INPP4B: variants seen among roughly 807,000 people sequenced by gnomAD.
The protein encoded by INPP4B is inositol polyphosphate-4-phosphatase type II B.
INPP4B carries 55 observed loss-of-function variants against 122.5 expected under a neutral mutation model. That is an observed-to-expected ratio of 0.45 (90% CI 0.36 to 0.56). The LOEUF (loss-of-function observed/expected upper bound fraction) is 0.56, where lower values mean the gene tolerates loss of function less well. INPP4B is among the 20% of genes least tolerant of loss of function. The probability of loss-of-function intolerance (pLI) is 0.00; values close to 1 mark genes in which losing one functional copy is unlikely to be tolerated. For synonymous variants in INPP4B, 403 were observed against 388.7 expected (o/e 1.04, Z -0.43); for missense variants, 1,000 against 1,097.7 (o/e 0.91, Z 1.26).
intron 2 of INPP4B, among the ~76,000 whole-genome samples, chr4:142,521,591 A>G (rs1412671730): frequency 6.6e-6 from 1 of 152,044 alleles, no homozygotes; most frequent in Non-Finnish European, 1.5e-5. Flanking sequence ...ATGAAACATC[A>G]CTTATACAAT....
At chr4:142,096,314 A>T (rs1466607682) in intron 23 of INPP4B, 2 of 152,232 alleles carry the variant, frequency 1.3e-5, no homozygotes, top group African/African-American at 4.8e-5. Flanking sequence ...CACATACTAC[A>T]ACAGAATAAG....
chr4:142,763,724 G>A (rs934961631), intron 1 of INPP4B, among the ~76,000 whole-genome samples: 2 of 152,096 alleles, frequency 1.3e-5, no homozygotes, highest in African/African-American at 2.4e-5. Flanking sequence ...CAAAGTAAAA[G>A]TGATGCCTGA....
chr4:142,333,876 A>G (rs2151580471), intron 7 of INPP4B, among the ~76,000 whole-genome samples: 1 of 152,312 alleles, frequency 6.6e-6, no homozygotes. Context: ...TGTGTGTGCG[A>G]TGAGAGCATT....
intron 1 of INPP4B, among the ~76,000 whole-genome samples, chr4:142,789,804 C>T (rs1240313123): frequency 2.0e-5 from 3 of 152,144 alleles, no homozygotes; most frequent in East Asian, 3.9e-4. Context: ...AAGAATAAAT[C>T]TAGAAGCATC....
chr4:142,432,256 G>A (rs972056877), intron 3 of INPP4B, among the ~76,000 whole-genome samples: 12 of 152,030 alleles, frequency 7.9e-5, no homozygotes, highest in African/African-American at 2.9e-4. Context: ...GCCGTTTAAT[G>A]AGATAGCAGT....
At chr4:142,666,380 A>G (rs1391548600) in intron 2 of INPP4B, among the ~76,000 whole-genome samples, 1 of 152,146 alleles carries the variant, frequency 6.6e-6, no homozygotes, top group Non-Finnish European at 1.5e-5. Context: ...AAAGATAAAA[A>G]AGAGTTTAGA....
chr4:142,271,326 C>A (rs145365738), intron 9 of INPP4B, among the ~76,000 whole-genome samples: 33 of 152,256 alleles, frequency 2.2e-4, no homozygotes, highest in African/African-American at 7.7e-4. Flanking sequence ...ATGAAACCTC[C>A]TAAACGTTCT....
At chr4:142,108,539 A>T (rs900218296) in intron 22 of INPP4B, among the ~76,000 whole-genome samples, 10 of 152,224 alleles carry the variant, frequency 6.6e-5, no homozygotes, top group African/African-American at 1.9e-4. Context: ...TATGTGTTTT[A>T]AAAAACTTTT....
intron 16 of INPP4B, among the ~76,000 whole-genome samples, chr4:142,170,047 G>GTT (rs1304634039): frequency 6.6e-6 from 1 of 151,120 alleles, no homozygotes. Flanking sequence ...TCTATTCCTT[G>GTT]TTTTTTTTCC....
intron 2 of INPP4B, among the ~76,000 whole-genome samples, chr4:142,671,527 A>C (rs1297052118): frequency 6.6e-6 from 1 of 152,092 alleles, no homozygotes; most frequent in Non-Finnish European, 1.5e-5. Context: ...GGCTCATCTC[A>C]AATGCAATTT....
intron 2 of INPP4B, among the ~76,000 whole-genome samples, chr4:142,569,586 C>T (rs1286369978): frequency 6.6e-6 from 1 of 152,062 alleles, no homozygotes; most frequent in African/African-American, 2.4e-5. Context: ...CCCTTGACAC[C>T]GTGTATGCTG....
At chr4:142,559,827 T>G (rs1225153012) in intron 2 of INPP4B, among the ~76,000 whole-genome samples, 1 of 152,214 alleles carries the variant, frequency 6.6e-6, no homozygotes, top group Non-Finnish European at 1.5e-5. Context: ...CCATTGAATT[T>G]CCCTTTATTC....
chr4:142,309,826 C>T (rs1298333825), intron 8 of INPP4B, among the ~76,000 whole-genome samples: 1 of 152,206 alleles, frequency 6.6e-6, no homozygotes, highest in African/African-American at 2.4e-5. Context: ...TCTCACCTAG[C>T]TGGAGAGTAA....
In INPP4B at chr4:142,124,603, G is replaced by A. The variant is rs374723221; in HGVS notation, c.1878C>T (p.Ile626=). The A allele has an allele frequency of 2.4e-5, 39 of 1,613,196 alleles. No homozygotes were observed. In the East Asian group the frequency reaches 4.7e-4, roughly 19 times the overall value. ...QCLMLTLRRD[I]VFSQALAGLV... Reference sequence around the variant, plus strand: ...AGGCACCTACTGCTTGGCTGAAGACGATGTCTCTTCTTAGCGTCAGCATCA... The same window carrying A: ...AGGCACCTACTGCTTGGCTGAAGACAATGTCTCTTCTTAGCGTCAGCATCA... The change falls in exon 19 of 26, where the codon ATC becomes ATT. Residue 626 remains isoleucine, a synonymous_variant. Coordinates refer to ENST00000262992, the MANE Select transcript of INPP4B (RefSeq NM_001101669.3).
At chr4:142,405,647 G>A (rs1232579622) in intron 5 of INPP4B, among the ~76,000 whole-genome samples, 1 of 152,078 alleles carries the variant, frequency 6.6e-6, no homozygotes, top group Non-Finnish European at 1.5e-5. Flanking sequence ...TTAAGCCCTG[G>A]GCTTTAAGTC....
intron 2 of INPP4B, among the ~76,000 whole-genome samples, chr4:142,693,110 G>A (rs765793212): frequency 6.6e-6 from 1 of 151,822 alleles, no homozygotes; most frequent in Non-Finnish European, 1.5e-5. Context: ...GTAAATGGAC[G>A]GAGTTATCTC....
intron 1 of INPP4B, among the ~76,000 whole-genome samples, chr4:142,782,364 T>C (rs1427610775): frequency 1.3e-5 from 2 of 151,012 alleles, no homozygotes; most frequent in African/African-American, 4.9e-5. Context: ...TGCCACATTT[T>C]CTTAATCCAG....
intron 1 of INPP4B, among the ~76,000 whole-genome samples, chr4:142,800,129 A>T (rs1187082516): frequency 6.6e-6 from 1 of 152,104 alleles, no homozygotes; most frequent in Non-Finnish European, 1.5e-5. Flanking sequence ...TTGCATAAAA[A>T]ATTAAAAGGG....
Position 142,051,904 on chromosome 4 carries a change from G to A in INPP4B, c.2643-22990C>T, listed in dbSNP as rs897937202. Among the ~76,000 whole-genome samples the A allele has an allele frequency of 7.2e-5, 11 of 151,962 alleles. No homozygotes were observed. The South Asian group carries it at 1.0e-3, about 14-fold the overall frequency. On this transcript the variant is annotated intron_variant, in intron 25 of 25. Transcript: ENST00000262992. ...TCACTTGGTAAAGGATAAAATCTAG[G>A]GTTCTCCTACAAATCTGTGGGTCCA...
Sources: allele counts gnomAD v4.1 joint callset (sites outside exome capture counted in the v4.1 genomes callset), GRCh38; gene constraint gnomAD v4.1.1; transcripts MANE v1.5; gene names NCBI Gene and HGNC (gene_info 2026-07-23, HGNC 2026-07-21).